Variants in NEK5 observed in about 807,000 individuals in gnomAD.
The protein encoded by NEK5 is serine/threonine-protein kinase Nek5.
Under a neutral mutation model 109.2 loss-of-function variants are expected in NEK5, and 88 were observed. The observed-to-expected ratio is 0.81, with a 90% CI of 0.68 to 0.96. The LOEUF is 0.96. Ranked by LOEUF, NEK5 falls within the 40% of genes least tolerant of loss-of-function variation. The pLI, the probability that NEK5 is intolerant of heterozygous loss-of-function variation, is 0.00. For missense variants in NEK5, 834 were observed against 920.7 expected, an observed-to-expected ratio of 0.91 and a Z score of 1.22; for synonymous variants, 283 against 299.9, an observed-to-expected ratio of 0.94 and a Z score of 0.58.
intron 17 of NEK5, among the ~76,000 whole-genome samples, chr13:52,080,960 C>A (rs1374373820): frequency 4.4e-5 from 6 of 135,218 alleles, no homozygotes; most frequent in East Asian, 2.2e-4. Context: ...TGAAAAAAAT[C>A]ACTTAAAGAA....
chr13:52,072,132 T>A, intron 19 of NEK5, 62 bp from the exon 20 acceptor site: 1 of 1,370,560 alleles, frequency 7.3e-7, no homozygotes, highest in Non-Finnish European at 1.0e-6. Context: ...AGAAAAACCA[T>A]ATTTTCGTGT....
chr13:52,064,188 C>T, intron 21 of NEK5, among the ~76,000 whole-genome samples: 1 of 135,160 alleles, frequency 7.4e-6, no homozygotes, highest in South Asian at 2.4e-4. Flanking sequence ...GGGGGGTCAG[C>T]CCCCCGCCCG....
chr13:52,040,069 A>C (rs1168638883), intron 23 of NEK5, among the ~76,000 whole-genome samples: 1 of 147,994 alleles, frequency 6.8e-6, no homozygotes, highest in East Asian at 2.0e-4. Context: ...CCAGACACCA[A>C]ATCTACTGGC....
chr13:52,048,227 G>A (rs1161676940), intron 23 of NEK5, among the ~76,000 whole-genome samples: 3 of 152,100 alleles, frequency 2.0e-5, no homozygotes, highest in African/African-American at 7.2e-5. Flanking sequence ...CATATGTATT[G>A]AAACATCACT....
chr13:52,048,243 T>G (rs1175206304), intron 23 of NEK5, among the ~76,000 whole-genome samples: 2 of 152,094 alleles, frequency 1.3e-5, no homozygotes, highest in African/African-American at 2.4e-5. Context: ...TCACTGTGTA[T>G]CCTATGAATA....
At chr13:52,093,336 G>C in intron 12 of NEK5, 101 bp from the exon 13 acceptor site, 1 of 774,254 alleles carries the variant, frequency 1.3e-6, no homozygotes, top group Non-Finnish European at 2.1e-6. Context: ...GAGGCGGGTG[G>C]ATCACCTGAG....
At chr13:52,092,386 A>T (rs569352507) in intron 13 of NEK5, among the ~76,000 whole-genome samples, 4 of 152,090 alleles carry the variant, frequency 2.6e-5, no homozygotes, top group African/African-American at 4.8e-5. Context: ...TGTAACATAT[A>T]TGACATTCTG....
intron 23 of NEK5, among the ~76,000 whole-genome samples, chr13:52,037,918 G>C (rs555839416): frequency 8.7e-6 from 1 of 114,372 alleles, no homozygotes; most frequent in African/African-American, 2.7e-5. Flanking sequence ...GCGAGACTCC[G>C]TCTCAAAAAA....
At chr13:52,041,314 T>C (rs796971165) in intron 23 of NEK5, among the ~76,000 whole-genome samples, 4 of 152,308 alleles carry the variant, frequency 2.6e-5, no homozygotes, top group African/African-American at 9.6e-5. Flanking sequence ...ATTTTTTAAT[T>C]ATGAGAAATC....
chr13:52,063,103 C>T (rs574817972), intron 21 of NEK5, among the ~76,000 whole-genome samples: 33 of 152,186 alleles, frequency 2.2e-4, no homozygotes, highest in South Asian at 1.0e-3. Flanking sequence ...TCTCTTTCCA[C>T]GGTCTCCCTC....
intron 22 of NEK5, among the ~76,000 whole-genome samples, chr13:52,054,846 G>A (rs1170914899): frequency 6.6e-6 from 1 of 152,140 alleles, no homozygotes. Context: ...ACAAAGATGG[G>A]GAAAAAACAG....
rs576129221 is a variant in NEK5, at chr13:52,070,722, G to C, written c.1849+1222C>G. On this transcript the variant is annotated intron_variant, in intron 20 of 23. Coordinates refer to ENST00000684899, the MANE Select transcript of NEK5 (RefSeq NM_001365552.1). ...ATGTCTTTATCAGCAGCAAGAAAAT[G>C]GACTAATACAGTAACCATTTAGAGA... Among the ~76,000 whole-genome samples, 4 of 152,242 alleles carry C rather than the reference G, an allele frequency of 2.6e-5. No homozygotes were observed. The East Asian group carries it at 5.8e-4, about 22-fold the overall frequency.
At chr13:52,115,310 A>G (rs1185882059) in intron 4 of NEK5, among the ~76,000 whole-genome samples, 1 of 151,832 alleles carries the variant, frequency 6.6e-6, no homozygotes, top group Non-Finnish European at 1.5e-5. Context: ...CGACAGAGAT[A>G]GCTTAAACTA....
rs748700415 is a variant in NEK5, at chr13:52,110,334, A to G, written c.467+6T>C. 6.3e-6 allele frequency: 10 copies of G among 1,587,622 alleles called. No individual in the cohort carries two copies. Among genetic ancestry groups the G allele is most frequent in the Non-Finnish European group, 8.6e-6 (10 of 1,156,350 alleles). ...TAGAAAGAAAAATTATTTTCAAAGT[A>G]CTTACTTATTCAGGACTCTTGCTAT... On this transcript the variant is annotated splice_donor_region_variant and intron_variant, in intron 7 of 23. Coordinates refer to ENST00000684899, the MANE Select transcript of NEK5 (RefSeq NM_001365552.1).
intron 22 of NEK5, among the ~76,000 whole-genome samples, chr13:52,052,452 G>C (rs944185359): frequency 1.3e-5 from 2 of 152,078 alleles, no homozygotes; most frequent in African/African-American, 4.8e-5. Flanking sequence ...ATTGGGGATG[G>C]GCTGCTCACA....
chr13:52,037,878 G>C (rs1322487429), intron 23 of NEK5, among the ~76,000 whole-genome samples: 4 of 151,664 alleles, frequency 2.6e-5, no homozygotes, highest in African/African-American at 7.3e-5. Context: ...AGCCGAGATC[G>C]CGCCACTGCA....
intron 17 of NEK5, among the ~76,000 whole-genome samples, chr13:52,082,564 T>C (rs2137866182): frequency 6.6e-6 from 1 of 152,342 alleles, no homozygotes; most frequent in East Asian, 1.9e-4. Flanking sequence ...TGCATTATCT[T>C]TTCTCAGAAG....
chr13:52,064,375 G>A (rs1409333510), intron 21 of NEK5, among the ~76,000 whole-genome samples: 3 of 136,396 alleles, frequency 2.2e-5, no homozygotes, highest in Non-Finnish European at 4.8e-5. Context: ...CCCCCCGCCC[G>A]GCCAGCCGCC....
chr13:52,110,556 T>A lies in NEK5; in HGVS notation c.334A>T (p.Ile112Phe). 5 of 1,611,690 alleles carry A rather than the reference T, an allele frequency of 3.1e-6. No individual in the cohort carries two copies. Among genetic ancestry groups the A allele is most frequent in the Non-Finnish European group, 4.2e-6 (5 of 1,178,380 alleles). The change falls in exon 6 of 24, where the codon ATT (isoleucine) becomes TTT (phenylalanine). Residue 112 changes from isoleucine to phenylalanine, a missense_variant. This residue lies in a region of NEK5 where 777 missense variants were observed against 824.7 expected (regional missense o/e 0.94). Coordinates refer to ENST00000684899, the MANE Select transcript of NEK5 (RefSeq NM_001365552.1). ...EDQILGWFVQ[I>F]SLGLKHIHDR... ...TGAATATGTTTTAGTCCTAGAGAAA[T>A]CTGTACAAACCAACCGAGGATCTAT...
Sources: gnomAD v4.1 joint callset for allele counts (sites outside exome capture counted in the v4.1 genomes callset) on GRCh38, gnomAD v4.1.1 for gene constraint, gnomAD v4.1.1 regional missense constraint, MANE v1.5 for transcripts, NCBI Gene and HGNC (gene_info 2026-07-23, HGNC 2026-07-21) for gene names.